OPCML: variants seen among roughly 807,000 people sequenced by gnomAD.
OPCML encodes the protein opioid binding protein/cell adhesion molecule like, also known as opioid-binding protein/cell adhesion molecule.
OPCML carries 13 observed loss-of-function variants against 37.8 expected under a neutral mutation model. The ratio of observed to expected loss-of-function variants is 0.34; its 90% CI spans 0.22 to 0.55. The LOEUF is 0.55. Among genes scored for constraint, OPCML ranks in the 20% least tolerant of loss-of-function variants. The pLI is 0.91. For synonymous variants in OPCML, 176 were observed against 168.8 expected (o/e 1.04, Z -0.33); for missense variants, 341 against 435.6 (o/e 0.78, Z 1.93).
chr11:132,924,709 T>C (rs1944929541), intron 2 of OPCML, among the ~76,000 whole-genome samples: 1 of 152,228 alleles, frequency 6.6e-6, no homozygotes, highest in South Asian at 2.1e-4. Context: ...AGTTTGAAAA[T>C]CATATGCCTA....
intron 1 of OPCML, among the ~76,000 whole-genome samples, chr11:133,003,486 G>T (rs1197928278): frequency 6.6e-6 from 1 of 152,040 alleles, no homozygotes; most frequent in African/African-American, 2.4e-5. Flanking sequence ...TGTATTTAGG[G>T]CCCACTCAGA....
intron 1 of OPCML, among the ~76,000 whole-genome samples, chr11:133,530,081 A>G (rs1056661303): frequency 2.0e-5 from 3 of 152,184 alleles, no homozygotes; most frequent in Non-Finnish European, 2.9e-5. Flanking sequence ...TCTCCCCCAG[A>G]AGATGGGGGC....
intron 2 of OPCML, among the ~76,000 whole-genome samples, chr11:132,814,611 C>T (rs1939526541): frequency 6.6e-6 from 1 of 152,226 alleles, no homozygotes; most frequent in Admixed American, 6.5e-5. Context: ...AATGAGTCCG[C>T]AGTCCACCAA....
At chr11:132,913,835 A>C (rs1284523006) in intron 2 of OPCML, among the ~76,000 whole-genome samples, 1 of 152,132 alleles carries the variant, frequency 6.6e-6, no homozygotes, top group African/African-American at 2.4e-5. Flanking sequence ...CATGGGGCCA[A>C]AGTCCTTTCT....
intron 1 of OPCML, among the ~76,000 whole-genome samples, chr11:133,201,286 G>A (rs1032954801): frequency 6.6e-4 from 93 of 140,044 alleles, no homozygotes; most frequent in African/African-American, 2.6e-3. Flanking sequence ...ATTAAAAGTT[G>A]GAAAGAAAAC....
At chr11:132,484,819 CA>C (rs1319373651) in intron 4 of OPCML, among the ~76,000 whole-genome samples, 1 of 152,014 alleles carries the variant, frequency 6.6e-6, no homozygotes, top group Non-Finnish European at 1.5e-5. Context: ...ATCGCAAGAA[CA>C]AAAAACCAAA....
intron 2 of OPCML, among the ~76,000 whole-genome samples, chr11:132,876,676 T>C (rs1943031619): frequency 6.6e-6 from 1 of 152,214 alleles, no homozygotes; most frequent in South Asian, 2.1e-4. Flanking sequence ...GGTAGGGTAT[T>C]TGGCAAGGCC....
intron 2 of OPCML, among the ~76,000 whole-genome samples, chr11:132,798,274 T>C (rs968735717): frequency 1.3e-5 from 2 of 152,132 alleles, no homozygotes; most frequent in Non-Finnish European, 2.9e-5. Context: ...TTTTACCATG[T>C]TGGCAAGACT....
chr11:133,323,479 G>T (rs918428969), intron 1 of OPCML, among the ~76,000 whole-genome samples: 6 of 152,136 alleles, frequency 3.9e-5, no homozygotes, highest in African/African-American at 1.4e-4. Context: ...CACCCGAAAG[G>T]CACCCAGAGA....
intron 1 of OPCML, among the ~76,000 whole-genome samples, chr11:133,135,440 GTTTTTTTT>G (rs11291782): frequency 7.6e-6 from 1 of 131,270 alleles, no homozygotes; most frequent in African/African-American, 2.8e-5. Flanking sequence ...CCCTCCATAG[GTTTTTTTT>G]TTTTTTTTTT....
chr11:132,857,806 G>A (rs80341740), intron 2 of OPCML, among the ~76,000 whole-genome samples: 2 of 152,116 alleles, frequency 1.3e-5, no homozygotes, highest in Non-Finnish European at 1.5e-5. Context: ...GTCAGTTTTA[G>A]TTTGTCATGT....
At chr11:132,427,796 A>G (rs1487572316) in intron 7 of OPCML, among the ~76,000 whole-genome samples, 1 of 152,212 alleles carries the variant, frequency 6.6e-6, no homozygotes, top group East Asian at 1.9e-4. Context: ...CCAGATGTCA[A>G]TGATTCAGAG....
intron 1 of OPCML, chr11:133,003,912 T>C (rs893772625): frequency 2.0e-6 from 2 of 985,244 alleles, no homozygotes; most frequent in Admixed American, 1.2e-4. Flanking sequence ...CCAATCCCGG[T>C]GGGGCTTCTG....
chr11:133,001,297 T>G (rs962660015), intron 1 of OPCML, among the ~76,000 whole-genome samples: 2 of 152,204 alleles, frequency 1.3e-5, no homozygotes, highest in African/African-American at 4.8e-5. Context: ...TTTACACATG[T>G]GCACACACAC....
At chr11:133,175,834 G>A (rs1950364882) in intron 1 of OPCML, among the ~76,000 whole-genome samples, 1 of 152,040 alleles carries the variant, frequency 6.6e-6, no homozygotes, top group South Asian at 2.1e-4. Context: ...GCAAGAATGT[G>A]CAACGGATGA....
In OPCML at chr11:133,140,823, A is replaced by AGACGACGACGAAGAAGAAGAC; in HGVS notation, c.62-197814_62-197813insGTCTTCTTCTTCGTCGTCGTC. Reference sequence around the variant, plus strand: ...AAGAAGAAGACGACGACGAAGAAGAAGACGACGACGAAGAAGACGACGACG... The same window carrying AGACGACGACGAAGAAGAAGAC: ...AAGAAGAAGACGACGACGAAGAAGAAGACGACGACGAAGAAGAAGACGACGACGACGAAGAAGACGACGACG... On this transcript the variant is annotated intron_variant, in intron 1 of 7. Coordinates refer to ENST00000524381, the MANE Select transcript of OPCML (RefSeq NM_001012393.5). Among the ~76,000 whole-genome samples the AGACGACGACGAAGAAGAAGAC allele has an allele frequency of 3.3e-3, 106 of 31,726 alleles. 28 individuals are homozygous for AGACGACGACGAAGAAGAAGAC. Among genetic ancestry groups the AGACGACGACGAAGAAGAAGAC allele is most frequent in the African/African-American group, 7.2e-3 (106 of 14,800 alleles). 20.8% of individuals were successfully genotyped at this position (31,726 alleles called of 152,430 possible).
intron 1 of OPCML, among the ~76,000 whole-genome samples, chr11:133,382,990 T>C (rs79222495): frequency 0.14 from 20,725 of 152,130 alleles, 1,508 homozygotes; most frequent in Non-Finnish European, 0.14. Context: ...GGAGGAGTTC[T>C]TAATACAACT....
At chr11:132,685,035 A>G (rs1943108113) in intron 2 of OPCML, among the ~76,000 whole-genome samples, 1 of 152,232 alleles carries the variant, frequency 6.6e-6, no homozygotes, top group African/African-American at 2.4e-5. Flanking sequence ...TGTAGAGCTT[A>G]TTTTAAATTT....
chr11:132,496,498 G>A (rs1036421185), intron 4 of OPCML, among the ~76,000 whole-genome samples: 1 of 152,234 alleles, frequency 6.6e-6, no homozygotes, highest in African/African-American at 2.4e-5. Context: ...GTCCTCTTGA[G>A]CTATGGGAAA....
Sources: gnomAD v4.1 joint callset for allele counts (sites outside exome capture counted in the v4.1 genomes callset) on GRCh38, gnomAD v4.1.1 for gene constraint, MANE v1.5 for transcripts, NCBI Gene and HGNC (gene_info 2026-07-23, HGNC 2026-07-21) for gene names.